RGS7: variants seen among roughly 807,000 people sequenced by gnomAD.
RGS7 encodes regulator of G protein signaling 7.
RGS7 carries 27 observed loss-of-function variants against 81.1 expected under a neutral mutation model. The observed-to-expected ratio is 0.33, with a 90% confidence interval of 0.25 to 0.46. The LOEUF (loss-of-function observed/expected upper bound fraction) is 0.46. Among genes scored for constraint, RGS7 ranks in the 20% least tolerant of loss-of-function variants. RGS7 has a pLI of 1.00. For missense variants in RGS7, 396 were observed against 607.4 expected (o/e 0.65, Z 3.66); for synonymous variants, 208 against 207.7 (o/e 1.00, Z -0.01).
At chr1:241,208,184 G>A (rs2880116) in intron 2 of RGS7, among the ~76,000 whole-genome samples, 58,474 of 152,036 alleles carry the variant, frequency 0.38, 12,866 homozygotes, top group East Asian at 0.64. Flanking sequence ...GATTACAGGC[G>A]TGAGCCACCG....
chr1:240,986,075 T>C (rs1427811730), intron 3 of RGS7, among the ~76,000 whole-genome samples: 2 of 152,132 alleles, frequency 1.3e-5, no homozygotes, highest in Non-Finnish European at 2.9e-5. Flanking sequence ...TTTGGAGCCC[T>C]CAAAGTAACC....
intron 2 of RGS7, among the ~76,000 whole-genome samples, chr1:241,259,335 C>T (rs1352451777): frequency 6.6e-6 from 1 of 151,878 alleles, no homozygotes; most frequent in Non-Finnish European, 1.5e-5. Context: ...CAAAAAGACA[C>T]CACAAAGAAC....
At chr1:241,314,083 G>A (rs1380465329) in intron 2 of RGS7, among the ~76,000 whole-genome samples, 2 of 152,202 alleles carry the variant, frequency 1.3e-5, no homozygotes, top group Non-Finnish European at 2.9e-5. Flanking sequence ...GAACATTTTT[G>A]AAATGACAAG....
At chr1:241,105,435 A>T (rs2065033469) in intron 2 of RGS7, among the ~76,000 whole-genome samples, 1 of 152,206 alleles carries the variant, frequency 6.6e-6, no homozygotes, top group Admixed American at 6.5e-5. Context: ...TATTTCAAAA[A>T]GGCTCAGGTT....
intron 3 of RGS7, among the ~76,000 whole-genome samples, chr1:241,039,430 T>C (rs1026880925): frequency 6.6e-6 from 1 of 152,130 alleles, no homozygotes; most frequent in African/African-American, 2.4e-5. Flanking sequence ...AGAAGCAGAA[T>C]GGGATTTGGG....
intron 2 of RGS7, among the ~76,000 whole-genome samples, chr1:241,261,859 G>A (rs1026958866): frequency 2.6e-5 from 4 of 151,908 alleles, no homozygotes; most frequent in East Asian, 1.9e-4. Flanking sequence ...GTATTTCCCC[G>A]GATTTTTTAT....
intron 2 of RGS7, among the ~76,000 whole-genome samples, chr1:241,147,681 C>G (rs184271383): frequency 2.0e-3 from 303 of 150,006 alleles, no homozygotes; most frequent in African/African-American, 7.1e-3. Context: ...ATCAGTAAAG[C>G]ACATCTTTAA....
At chr1:241,221,324 C>G (rs2147998005) in intron 2 of RGS7, among the ~76,000 whole-genome samples, 1 of 152,298 alleles carries the variant, frequency 6.6e-6, no homozygotes, top group South Asian at 2.1e-4. Flanking sequence ...ATATTTATGT[C>G]TCCATGTCTT....
chr1:241,065,063 C>A (rs1181443104), intron 3 of RGS7, among the ~76,000 whole-genome samples: 1 of 151,910 alleles, frequency 6.6e-6, no homozygotes, highest in Non-Finnish European at 1.5e-5. Context: ...ATTTTAGAAT[C>A]GGGAAGATAC....
chr1:241,160,689 A>T (rs1445939605), intron 2 of RGS7, among the ~76,000 whole-genome samples: 1 of 152,228 alleles, frequency 6.6e-6, no homozygotes, highest in East Asian at 1.9e-4. Flanking sequence ...ACTGTTTCCT[A>T]ATGGCAACCA....
Position 241,144,640 on chromosome 1 carries a change from G to A in RGS7, c.79-45878C>T, listed in dbSNP as rs901955463. On this transcript the variant is annotated intron_variant, in intron 2 of 18. Transcript: ENST00000440928. This position sits in a 1 kb window ranked among gnomAD's most constrained non-coding sequence, Gnocchi z 4.7. Reference sequence around the variant, plus strand: ...TCCTGGGCCTGCTTCGATAAGTGCTGTTTATGTGGCTGTATTTTCAAGATA... The same window carrying A: ...TCCTGGGCCTGCTTCGATAAGTGCTATTTATGTGGCTGTATTTTCAAGATA... Among the ~76,000 whole-genome samples, 2 of 152,138 alleles carry A rather than the reference G, an allele frequency of 1.3e-5. No homozygotes were observed. Among genetic ancestry groups the A allele is most frequent in the Admixed American group, 6.5e-5 (1 of 15,274 alleles).
At chr1:241,010,671 T>A (rs2058912829) in intron 3 of RGS7, among the ~76,000 whole-genome samples, 1 of 152,236 alleles carries the variant, frequency 6.6e-6, no homozygotes, top group African/African-American at 2.4e-5. Flanking sequence ...TACACATTAG[T>A]TAACATTCAG....
At chr1:241,186,778 C>T (rs911167436) in intron 2 of RGS7, among the ~76,000 whole-genome samples, 43 of 151,946 alleles carry the variant, frequency 2.8e-4, no homozygotes, top group African/African-American at 8.7e-4. Context: ...CCACCTACCT[C>T]GGCCTCCCAA....
intron 9 of RGS7, among the ~76,000 whole-genome samples, chr1:240,856,587 A>G (rs766666496): frequency 6.6e-6 from 1 of 152,132 alleles, no homozygotes; most frequent in Non-Finnish European, 1.5e-5. Context: ...TGTATTCCAC[A>G]GGAATAACGA....
chr1:241,107,644 C>T (rs751404074), intron 2 of RGS7, among the ~76,000 whole-genome samples: 2 of 152,212 alleles, frequency 1.3e-5, no homozygotes, highest in Non-Finnish European at 2.9e-5. Context: ...GCACTAACCC[C>T]ATTCTTTTGG....
chr1:241,228,830 C>G lies in RGS7; in HGVS notation c.78+126869G>C, dbSNP rs1015454763. Reference sequence around the variant, plus strand: ...TTACTTTATGCCTGGTTGCCCCTATCTTTAAATAGAAAGAAAACAGAGAAA... The same window carrying G: ...TTACTTTATGCCTGGTTGCCCCTATGTTTAAATAGAAAGAAAACAGAGAAA... On this transcript the variant is annotated intron_variant, in intron 2 of 18. Transcript: ENST00000440928. Among the ~76,000 whole-genome samples, 165 of 151,898 alleles carry G rather than the reference C, an allele frequency of 1.1e-3. 1 individual carries two copies. Among genetic ancestry groups the G allele is most frequent in the Non-Finnish European group, 3.8e-4 (26 of 67,976 alleles).
intron 2 of RGS7, among the ~76,000 whole-genome samples, chr1:241,211,778 C>T (rs959126621): frequency 6.6e-6 from 1 of 152,154 alleles, no homozygotes; most frequent in African/African-American, 2.4e-5. Context: ...GGAAACTGGA[C>T]AAAGAGTTAA....
intron 3 of RGS7, among the ~76,000 whole-genome samples, chr1:241,000,087 G>A (rs1404922095): frequency 6.6e-6 from 1 of 152,178 alleles, no homozygotes; most frequent in Non-Finnish European, 1.5e-5. Context: ...TTTGATGGCA[G>A]AAGTCTCGAT....
At chr1:241,198,661 T>C (rs1412851024) in intron 2 of RGS7, among the ~76,000 whole-genome samples, 2 of 152,194 alleles carry the variant, frequency 1.3e-5, no homozygotes, top group African/African-American at 4.8e-5. Flanking sequence ...AATATTTCTA[T>C]ATTTGTGAAA....
Sources: gnomAD v4.1 joint callset for allele counts (sites outside exome capture counted in the v4.1 genomes callset) on GRCh38, gnomAD v4.1.1 for gene constraint, Gnocchi (gnomAD v3.1) non-coding constraint, MANE v1.5 for transcripts, NCBI Gene and HGNC (gene_info 2026-07-23, HGNC 2026-07-21) for gene names.